Variants in DOCK3 observed in about 807,000 individuals in gnomAD.
The protein encoded by DOCK3 is dedicator of cytokinesis protein 3.
Under a neutral mutation model 265.6 loss-of-function variants are expected in DOCK3, and 60 were observed. The ratio of observed to expected loss-of-function variants is 0.23; its 90% CI spans 0.18 to 0.28. The LOEUF (loss-of-function observed/expected upper bound fraction) is 0.28, where lower values mean the gene tolerates loss of function less well. Ranked by LOEUF, DOCK3 falls within the 10% of genes least tolerant of loss-of-function variation. The pLI, the probability that DOCK3 is intolerant of heterozygous loss-of-function variation, is 1.00. For missense variants in DOCK3, 1,981 were observed against 2,594.3 expected (o/e 0.76, Z 5.14); for synonymous variants, 881 against 938.0 (o/e 0.94, Z 1.11).
chr3:50,895,181 T>A (rs540779322), intron 4 of DOCK3, among the ~76,000 whole-genome samples: 7 of 151,482 alleles, frequency 4.6e-5, no homozygotes, highest in Non-Finnish European at 1.0e-4. Context: ...TATGAAATGC[T>A]TAGTTACCTT....
In DOCK3 at chr3:51,160,421, C is replaced by G. The variant is rs963048943; in HGVS notation, c.890-134C>G. ...CACATAAATATCCTTGGATGACTCC[C>G]TTCAGCCCTGTAGTCTTCACCTTAG... On this transcript the variant is annotated intron_variant, in intron 11 of 52. Coordinates refer to ENST00000266037, the MANE Select transcript of DOCK3 (RefSeq NM_004947.5). The G allele has an allele frequency of 1.0e-5, 12 of 1,163,476 alleles. No homozygotes were observed. In the African/African-American group the frequency reaches 1.9e-4, roughly 18 times the overall value. The allele number at this position is 1,163,476 out of a possible 1,614,324, so 72.1% of individuals were successfully genotyped here. A position where few individuals can be genotyped will look rare whatever the true frequency, so the allele number is the denominator to read the frequency against.
At chr3:50,928,891 C>T (rs1224597019) in intron 4 of DOCK3, among the ~76,000 whole-genome samples, 1 of 152,120 alleles carries the variant, frequency 6.6e-6, no homozygotes, top group Admixed American at 6.5e-5. Flanking sequence ...TTTTTACTGT[C>T]AGTACAGTGT....
In DOCK3 at chr3:50,705,406, G is replaced by T. The variant is rs574993789; in HGVS notation, c.37+30106G>T. ...GAGTGAATTCTTATGAGATCTGCTG[G>T]TTTTTTTCATTTTTATTTTTATTTT... On this transcript the variant is annotated intron_variant, in intron 1 of 52. Coordinates refer to ENST00000266037, the MANE Select transcript of DOCK3 (RefSeq NM_004947.5). Among the ~76,000 whole-genome samples, 15 of 151,882 alleles carry T rather than the reference G, an allele frequency of 9.9e-5. No homozygotes were observed. In the South Asian group the frequency reaches 1.0e-3, roughly 11 times the overall value.
intron 5 of DOCK3, among the ~76,000 whole-genome samples, chr3:51,059,615 C>G (rs1305690991): frequency 6.6e-6 from 1 of 152,098 alleles, no homozygotes; most frequent in Admixed American, 6.6e-5. Flanking sequence ...ATCGTTTGCT[C>G]TATTCTCAAA....
intron 12 of DOCK3, among the ~76,000 whole-genome samples, chr3:51,191,266 G>C (rs1370572057): frequency 6.6e-6 from 1 of 152,152 alleles, no homozygotes; most frequent in East Asian, 1.9e-4. Flanking sequence ...TTCTGGGCAA[G>C]GGAGTTTATC....
chr3:51,283,152 G>T (rs1560349388), intron 27 of DOCK3, among the ~76,000 whole-genome samples: 1 of 152,114 alleles, frequency 6.6e-6, no homozygotes. Flanking sequence ...TCTGAGAGAA[G>T]GAGACCCATT....
At chr3:50,782,537 G>A (rs912094200) in intron 2 of DOCK3, among the ~76,000 whole-genome samples, 8 of 151,436 alleles carry the variant, frequency 5.3e-5, no homozygotes, top group Non-Finnish European at 1.0e-4. Flanking sequence ...TGATCCGCCC[G>A]CCTCGGCCTC....
rs945334618 is a variant in DOCK3 at position 50,675,907 on chromosome 3, C to T, written c.37+607C>T. 2.0e-5 allele frequency among the ~76,000 whole-genome samples: 3 copies of T among 151,852 alleles called. No individual in the cohort carries two copies. The highest frequency in any genetic ancestry group is 4.4e-5 in the Non-Finnish European group (3 of 67,994). ...CGGTTTTTTTTTTAAACCCTGTTTT[C>T]AGATGAGACCTTATTCCTCTTAGAA... On this transcript the variant is annotated intron_variant, in intron 1 of 52. Transcript: ENST00000266037. The surrounding 1 kb of genome is among the most constrained non-coding windows in gnomAD (Gnocchi z 6.1).
intron 7 of DOCK3, among the ~76,000 whole-genome samples, chr3:51,086,338 A>G (rs568508366): frequency 7.9e-5 from 12 of 152,336 alleles, no homozygotes; most frequent in East Asian, 7.7e-4. Context: ...TAAACCCACA[A>G]CCTTCCAGTG....
intron 1 of DOCK3, among the ~76,000 whole-genome samples, chr3:50,732,011 A>G (rs1262727831): frequency 2.6e-5 from 4 of 152,134 alleles, no homozygotes; most frequent in Non-Finnish European, 5.9e-5. Flanking sequence ...GGAGTTTGGC[A>G]AAGTCTGAGA....
At chr3:51,265,739 A>G (rs2080127172) in intron 23 of DOCK3, among the ~76,000 whole-genome samples, 1 of 151,996 alleles carries the variant, frequency 6.6e-6, no homozygotes, top group Non-Finnish European at 1.5e-5. Context: ...CCCACAGCCA[A>G]TATACTGAAT....
chr3:50,733,008 C>T (rs970171275), intron 1 of DOCK3, among the ~76,000 whole-genome samples: 4 of 151,922 alleles, frequency 2.6e-5, no homozygotes, highest in Admixed American at 1.3e-4. Flanking sequence ...TCTTGAACTC[C>T]TGAGTTCAAG....
intron 12 of DOCK3, among the ~76,000 whole-genome samples, chr3:51,169,797 G>A (rs185614567): frequency 1.2e-3 from 176 of 151,622 alleles, no homozygotes; most frequent in Admixed American, 3.3e-3. Flanking sequence ...TTTTCTTAAT[G>A]TGGTACGTCA....
At chr3:51,330,595 A>G (rs1483687606) in intron 33 of DOCK3, among the ~76,000 whole-genome samples, 1 of 152,174 alleles carries the variant, frequency 6.6e-6, no homozygotes, top group Non-Finnish European at 1.5e-5. Context: ...TTTGAGAGAC[A>G]GGTTCCTGTT....
At chr3:51,053,076 A>T (rs7434003) in intron 5 of DOCK3, among the ~76,000 whole-genome samples, 1 of 34,572 alleles carries the variant, frequency 2.9e-5, no homozygotes, top group East Asian at 2.0e-3. Flanking sequence ...AAAAAAGTCA[A>T]AGATATATAT....
At chr3:50,949,977 A>G (rs1252637514) in intron 5 of DOCK3, among the ~76,000 whole-genome samples, 3 of 150,420 alleles carry the variant, frequency 2.0e-5, no homozygotes, top group East Asian at 1.9e-4. Context: ...TCCAGCTTAT[A>G]AGGTTAGATA....
Position 51,356,126 on chromosome 3 carries a change from T to C in DOCK3, c.4287T>C (p.Tyr1429=), listed in dbSNP as rs373055520. 79 of 1,613,904 alleles carry C rather than the reference T, an allele frequency of 4.9e-5. No individual in the cohort carries two copies. The African/African-American group carries it at 8.4e-4, about 17-fold the overall frequency. Residue 1429 remains tyrosine (Y), a synonymous_variant, in exon 42 of 53, where the codon TAT becomes TAC. Coordinates refer to ENST00000266037, the MANE Select transcript of DOCK3 (RefSeq NM_004947.5). Reference sequence around the variant, plus strand: ...ATGCAGTGACGCCCATTCCAGATTATGTGGATGTTCTGCAGATGGATAGGG... The same window carrying C: ...ATGCAGTGACGCCCATTCCAGATTACGTGGATGTTCTGCAGATGGATAGGG... ...QIYAVTPIPD[Y]VDVLQMDRVP...
rs2088749747 is a variant in DOCK3 at position 51,382,929 on chromosome 3, G to C, written c.*1370G>C. 1 of 152,248 alleles carries C rather than the reference G, an allele frequency of 6.6e-6. No individual in the cohort carries two copies. Among genetic ancestry groups the C allele is most frequent in the Non-Finnish European group, 1.5e-5 (1 of 68,016 alleles). 9.4% of individuals were successfully genotyped at this position (152,248 alleles called of 1,614,324 possible). A position where few individuals can be genotyped will look rare whatever the true frequency, so the allele number is the denominator to read the frequency against. On this transcript the variant is annotated 3_prime_UTR_variant, in exon 53 of 53. Transcript: ENST00000266037. ...AGGTGGGTATAGTAGTACTTTACCA[G>C]GGTGCTTTTAAGTTACTTTAAAAAA...
At chr3:50,971,944 T>C (rs2077248937) in intron 5 of DOCK3, among the ~76,000 whole-genome samples, 1 of 152,174 alleles carries the variant, frequency 6.6e-6, no homozygotes. Context: ...CTGCCCCAGC[T>C]CCATGACCTA....
Sources: gnomAD v4.1 joint callset for allele counts (sites outside exome capture counted in the v4.1 genomes callset) on GRCh38, gnomAD v4.1.1 for gene constraint, Gnocchi (gnomAD v3.1) non-coding constraint, MANE v1.5 for transcripts, NCBI Gene and HGNC (gene_info 2026-07-23, HGNC 2026-07-21) for gene names.